The following CCDC171 variants were observed in gnomAD, a reference collection of about 807,000 sequenced individuals.
CCDC171 encodes coiled-coil domain-containing protein 171.
In CCDC171, 177 loss-of-function variants were observed where a neutral mutation model predicts 168.2. The ratio of observed to expected loss-of-function variants is 1.05; its 90% CI spans 0.93 to 1.19. The LOEUF (loss-of-function observed/expected upper bound fraction) is 1.19, where lower values mean the gene tolerates loss of function less well. CCDC171 is among the 50% of genes most tolerant of loss of function. The pLI, the probability that CCDC171 is intolerant of heterozygous loss-of-function variation, is 0.00. For synonymous variants in CCDC171, 687 were observed against 540.8 expected (o/e 1.27, Z -3.75); for missense variants, 1,991 against 1,539.0 (o/e 1.29, Z -4.91).
upstream of CCDC171, among the ~76,000 whole-genome samples, chr9:16,040,483 G>T (rs1000016648): frequency 9.8e-5 from 15 of 152,318 alleles, no homozygotes; most frequent in African/African-American, 3.6e-4. Context: ...GCAGGCGGCT[G>T]CGAAGCTTTG....
rs1400180633 is a variant in CCDC171, at chr9:15,678,840, A to C, written c.1159A>C (p.Lys387Gln). Residue 387 changes from lysine to glutamine, a missense_variant, in exon 10 of 26, where the codon AAG (lysine) becomes CAG (glutamine). Physicochemically the swap from Lys to Gln is moderately conservative, Grantham distance 53 (BLOSUM62 1). Coordinates refer to ENST00000380701, the MANE Select transcript of CCDC171 (RefSeq NM_173550.4). ...GAAGAAAGTAATTATAGACCTTTCA[A>C]AGAGACTCCAGTATAATGAAAAAAG... ...EQKKVIIDLS[K>Q]RLQYNEKSCS... is the part of the protein sequence containing the mutation. 5 of 1,598,758 alleles carry C rather than the reference A, an allele frequency of 3.1e-6. No individual in the cohort carries two copies. The South Asian group carries it at 5.7e-5, about 18-fold the overall frequency.
intron 7 of CCDC171, among the ~76,000 whole-genome samples, chr9:15,635,163 C>T (rs2046105242): frequency 6.6e-6 from 1 of 152,074 alleles, no homozygotes; most frequent in Non-Finnish European, 1.5e-5. Context: ...AGTTGAAGTT[C>T]CACAATAGGC....
chr9:15,635,686 C>G (rs1246221690), intron 7 of CCDC171, among the ~76,000 whole-genome samples: 1 of 152,218 alleles, frequency 6.6e-6, no homozygotes, highest in Non-Finnish European at 1.5e-5. Context: ...CAAGTTGACA[C>G]TCGGTATTAA....
At chr9:15,732,860 A>G (rs528459287) in intron 16 of CCDC171, among the ~76,000 whole-genome samples, 1 of 152,248 alleles carries the variant, frequency 6.6e-6, no homozygotes, top group South Asian at 2.1e-4. Context: ...GTTATATGGT[A>G]AGTGTAACTT....
downstream of CCDC171, among the ~76,000 whole-genome samples, chr9:16,065,360 T>C (rs531057730): frequency 6.6e-6 from 1 of 152,084 alleles, no homozygotes; most frequent in African/African-American, 2.4e-5. Context: ...GGGAAAAGCT[T>C]GTGGGCCAGC....
intron 18 of CCDC171, among the ~76,000 whole-genome samples, chr9:15,750,106 A>G (rs2055617582): frequency 6.6e-6 from 1 of 152,132 alleles, no homozygotes; most frequent in African/African-American, 2.4e-5. Flanking sequence ...AGAAGAATCA[A>G]ATAGATGCAA....
chr9:15,896,061 C>T (rs994737401), intron 24 of CCDC171, among the ~76,000 whole-genome samples: 5 of 151,844 alleles, frequency 3.3e-5, no homozygotes, highest in Admixed American at 6.6e-5. Context: ...TGTAGGAAAC[C>T]ATGTTGGTTT....
At chr9:15,827,335 A>G (rs2060054846) in intron 21 of CCDC171, among the ~76,000 whole-genome samples, 1 of 152,090 alleles carries the variant, frequency 6.6e-6, no homozygotes, top group Non-Finnish European at 1.5e-5. Context: ...TCTATCTTCT[A>G]CAGCTTGATT....
chr9:15,750,580 A>G (rs575683933), intron 18 of CCDC171, among the ~76,000 whole-genome samples: 1 of 152,342 alleles, frequency 6.6e-6, no homozygotes, highest in South Asian at 2.1e-4. Flanking sequence ...AAATACTGGC[A>G]AACCGAATCC....
chr9:15,949,228 T>G (rs1343653080), intron 25 of CCDC171, among the ~76,000 whole-genome samples: 1 of 152,186 alleles, frequency 6.6e-6, no homozygotes, highest in Non-Finnish European at 1.5e-5. Flanking sequence ...TACTGTAGCC[T>G]TGTAGTATAG....
intron 21 of CCDC171, among the ~76,000 whole-genome samples, chr9:15,794,444 A>T (rs372992544): frequency 6.6e-6 from 1 of 152,178 alleles, no homozygotes; most frequent in East Asian, 1.9e-4. Flanking sequence ...CAGCTGGGTG[A>T]CAGAGCGAGA....
At chr9:15,848,402 G>T (rs927428950) in intron 22 of CCDC171, among the ~76,000 whole-genome samples, 12 of 151,838 alleles carry the variant, frequency 7.9e-5, no homozygotes, top group African/African-American at 2.9e-4. Context: ...TCACAGAAGA[G>T]TTTTCTGTGT....
chr9:15,586,557 T>C (rs138461606), intron 4 of CCDC171, among the ~76,000 whole-genome samples: 1 of 152,182 alleles, frequency 6.6e-6, no homozygotes, highest in African/African-American at 2.4e-5. Context: ...ATTGGAATTA[T>C]GTATGGGAGT....
chr9:15,696,475 A>G (rs2051225046), intron 11 of CCDC171, among the ~76,000 whole-genome samples: 1 of 152,220 alleles, frequency 6.6e-6, no homozygotes, highest in Non-Finnish European at 1.5e-5. Flanking sequence ...GACAAATCAA[A>G]AGATATAAAA....
At chr9:15,991,019 A>T (rs941199833) in intron 3 of CCDC171, among the ~76,000 whole-genome samples, 7 of 152,188 alleles carry the variant, frequency 4.6e-5, no homozygotes, top group African/African-American at 7.2e-5. Context: ...CAGATCAACG[A>T]GACAGAAAGT....
At position 15,840,173 on chromosome 9, in the gene CCDC171, A is replaced by C. The variant is rs149161663; in HGVS notation, c.3268-6529A>C. On this transcript the variant is annotated intron_variant, in intron 21 of 25. Coordinates refer to ENST00000380701, the MANE Select transcript of CCDC171 (RefSeq NM_173550.4). ...ACTTCTATCACCAAAACAATTCTCG[A>C]AGTTGAAAGATTTTTTTCAACAAAG... 1.8e-3 allele frequency among the ~76,000 whole-genome samples: 269 copies of C among 152,250 alleles called. 2 individuals are homozygous for C. The highest frequency in any genetic ancestry group is 6.1e-3 in the African/African-American group (253 of 41,568).
intron 3 of CCDC171, among the ~76,000 whole-genome samples, chr9:16,014,537 G>T (rs921057150): frequency 9.9e-5 from 15 of 152,034 alleles, no homozygotes; most frequent in South Asian, 2.1e-4. Flanking sequence ...CATTTACTTT[G>T]CCCAGATCCA....
chr9:15,868,135 G>T (rs1056643713), intron 23 of CCDC171, among the ~76,000 whole-genome samples: 4 of 151,948 alleles, frequency 2.6e-5, no homozygotes, highest in African/African-American at 9.7e-5. Flanking sequence ...GGTGGATTTT[G>T]CCCTCTTTTC....
chr9:15,651,574 C>G (rs1489746325), intron 7 of CCDC171, among the ~76,000 whole-genome samples: 2 of 152,082 alleles, frequency 1.3e-5, no homozygotes. Flanking sequence ...ACTTTTTTAG[C>G]TCTCACATAC....
Sources: allele counts gnomAD v4.1 joint callset (sites outside exome capture counted in the v4.1 genomes callset), GRCh38; gene constraint gnomAD v4.1.1; transcripts MANE v1.5; gene names NCBI Gene and HGNC (gene_info 2026-07-23, HGNC 2026-07-21).